The following TRIOBP variants were observed in gnomAD, a reference collection of about 807,000 sequenced individuals.
TRIOBP encodes TRIO and F-actin binding protein.
Under a neutral mutation model 238.8 loss-of-function variants are expected in TRIOBP, and 169 were observed. The observed-to-expected ratio is 0.71, with a 90% CI of 0.62 to 0.80. TRIOBP has a LOEUF of 0.80. TRIOBP is among the 30% of genes least tolerant of loss of function. The probability of loss-of-function intolerance (pLI) is 0.00; values close to 1 mark genes in which losing one functional copy is unlikely to be tolerated. For synonymous variants in TRIOBP, 1,150 were observed against 1,274.4 expected, an observed-to-expected ratio of 0.90 and a Z score of 2.08; for missense variants, 2,838 against 3,122.6, an observed-to-expected ratio of 0.91 and a Z score of 2.17.
intron 12 of TRIOBP, among the ~76,000 whole-genome samples, chr22:37,753,613 A>G (rs115205721): frequency 0.012 from 1,857 of 152,364 alleles, 39 homozygotes; most frequent in African/African-American, 0.043. Context: ...TTTATGGTTC[A>G]GAAGACTGAA....
chr22:37,702,634 C>CTTTTTTTTTTTTTTTTTTTTTTTT (rs34625454), intron 3 of TRIOBP, among the ~76,000 whole-genome samples: 1 of 81,198 alleles, frequency 1.2e-5, no homozygotes, highest in African/African-American at 5.0e-5. Context: ...TTCTCTCTCT[C>CTTTTTTTTTTTTTTTTTTTTTTTT]TTTTTTTTTT....
Position 37,767,895 on chromosome 22 carries a change from A to G in TRIOBP, c.6473-179A>G, listed in dbSNP as rs146740305. 7.8e-3 allele frequency among the ~76,000 whole-genome samples: 1,190 copies of G among 152,232 alleles called. 15 individuals are homozygous for G. The highest frequency in any genetic ancestry group is 0.027 in the African/African-American group (1,120 of 41,534). On this transcript the variant is annotated intron_variant, in intron 18 of 23. Transcript: ENST00000644935. ...TTTATGACACAACCTGGGCTACTCT[A>G]GACTCCTGGTTCGGTGCTCTTTGCA...
At chr22:37,743,822 TGTGTGTGTGTGTGTGTGTGTGTGCTGG>T (rs1230661245) in intron 11 of TRIOBP, among the ~76,000 whole-genome samples, 4 of 124,960 alleles carry the variant, frequency 3.2e-5, no homozygotes, top group Admixed American at 2.6e-4. Context: ...TGTGTGTGTG[TGTGTGTGTGTGTGTGTGTGTGTGCTGG>T]GTGTGTGTGA....
intron 7 of TRIOBP, among the ~76,000 whole-genome samples, chr22:37,731,192 C>T (rs896177678): frequency 6.6e-6 from 1 of 152,028 alleles, no homozygotes; most frequent in African/African-American, 2.4e-5. Context: ...GGCTGGAATG[C>T]AGTGGCATGA....
intron 2 of TRIOBP, among the ~76,000 whole-genome samples, 170 bp from the exon 3 acceptor site, chr22:37,701,136 T>A (rs1026498436): frequency 6.6e-6 from 1 of 152,254 alleles, no homozygotes; most frequent in Middle Eastern, 3.4e-3. Flanking sequence ...TTAGTGAGTG[T>A]TTGTTGAGTG....
At position 37,733,317 on chromosome 22, in the gene TRIOBP, G is replaced by A. The variant is rs780288515; in HGVS notation, c.3967G>A (p.Ala1323Thr). The change falls in exon 8 of 24, where the codon GCC (alanine) becomes ACC (threonine). Residue 1323 changes from alanine (A) to threonine (T), a missense_variant. Coordinates refer to ENST00000644935, the MANE Select transcript of TRIOBP (RefSeq NM_001039141.3). ...QERRKSEAAG[A>T]FQAQDEGRSQ... Reference sequence around the variant, plus strand: ...TCATAGGAAGTCCGAGGCAGCGGGGGCCTTCCAGGCCCAGGACGAGGGACG... The same window carrying A: ...TCATAGGAAGTCCGAGGCAGCGGGGACCTTCCAGGCCCAGGACGAGGGACG... 6.4e-7 allele frequency: 1 copy of A among 1,551,008 alleles called. No individual in the cohort carries two copies. Among genetic ancestry groups the A allele is most frequent in the Non-Finnish European group, 8.7e-7 (1 of 1,147,170 alleles).
chr22:37,767,401 G>GA (rs962063872), intron 18 of TRIOBP, among the ~76,000 whole-genome samples: 62 of 150,900 alleles, frequency 4.1e-4, no homozygotes, highest in Middle Eastern at 6.8e-3. Context: ...CCCTGAGTGG[G>GA]AAAAAAAAAG....
intron 7 of TRIOBP, 70 bp downstream of exon 7, chr22:37,726,573 A>G: frequency 7.3e-7 from 1 of 1,377,808 alleles, no homozygotes; most frequent in Non-Finnish European, 9.4e-7. Context: ...GTGAAGGGTT[A>G]GGGTGCCAAA....
Position 37,723,674 on chromosome 22 carries a change from C to T in TRIOBP, c.1118C>T (p.Pro373Leu). Reference sequence around the variant, plus strand: ...CAAACTTCTTTTCCTACTTGTACTCCCCAGCGGGAAAACCCCAGGACACCC... The same window carrying T: ...CAAACTTCTTTTCCTACTTGTACTCTCCAGCGGGAAAACCCCAGGACACCC... ...NPQTSFPTCT[P>L]QRENPRTPCV... The change falls in exon 7 of 24, where the codon CCC (proline) becomes CTC (leucine). Residue 373 changes from proline to leucine, a missense_variant. Pro to Leu is a moderately conservative substitution (Grantham distance 98). Transcript: ENST00000644935. 6.2e-7 allele frequency: 1 copy of T among 1,614,150 alleles called. No individual in the cohort carries two copies. Among genetic ancestry groups the T allele is most frequent in the Non-Finnish European group, 8.5e-7 (1 of 1,180,010 alleles).
chr22:37,755,631 C>T lies in TRIOBP; in HGVS notation c.5659C>T (p.Arg1887Cys), dbSNP rs746861018. Reference sequence around the variant, plus strand: ...GATCGAGGCTCTGAGAAAGACCGTACGTCCAACTTCAGCCCCAGATGTCAC... The same window carrying T: ...GATCGAGGCTCTGAGAAAGACCGTATGTCCAACTTCAGCCCCAGATGTCAC... ...NWIEALRKTV[R>C]PTSAPDVTKL... is the part of the protein sequence containing the mutation. The change falls in exon 15 of 24, where the codon CGT becomes TGT. Residue 1887 changes from arginine (R) to cysteine (C), a missense_variant. Transcript: ENST00000644935. The T allele has an allele frequency of 1.5e-5, 25 of 1,613,966 alleles. No homozygotes were observed. Among genetic ancestry groups the T allele is most frequent in the Non-Finnish European group, 2.0e-5 (24 of 1,180,042 alleles).
At chr22:37,770,449 C>CA (rs551177241) in intron 21 of TRIOBP, among the ~76,000 whole-genome samples, 104,005 of 111,196 alleles carry the variant, frequency 0.94, 48,574 homozygotes, top group East Asian at 0.99. Flanking sequence ...GACTCCGTCT[C>CA]AAAAAAAAAA....
rs1251341198 is a variant in TRIOBP at position 37,742,294 on chromosome 22, C to T, written c.5322+1262C>T. ...TTTTTTTTAAATTAAGATAGAGTCT[C>T]GTTCTACCCCCAGACTGGAGTGCAG... On this transcript the variant is annotated intron_variant, in intron 11 of 23. Coordinates refer to ENST00000644935, the MANE Select transcript of TRIOBP (RefSeq NM_001039141.3). Among the ~76,000 whole-genome samples the T allele has an allele frequency of 5.4e-5, 7 of 129,726 alleles. No homozygotes were observed. The East Asian group carries it at 1.3e-3, about 25-fold the overall frequency. 85.1% of individuals were successfully genotyped at this position (129,726 alleles called of 152,430 possible).
In TRIOBP at chr22:37,765,801, G is replaced by A. The variant is rs372723886; in HGVS notation, c.6456G>A (p.Thr2152=). 25 of 1,581,330 alleles carry A rather than the reference G, an allele frequency of 1.6e-5. No individual in the cohort carries two copies. The African/African-American group carries it at 2.3e-4, about 15-fold the overall frequency. ...AGGAGTGGCTCCTGGCTGAGGAGAC[G>A]GCAGCCACGGCCTCAGGTATGGACC... ...QEKEWLLAEE[T]AATASAIEAM... is the part of the protein sequence containing the mutation. The change falls in exon 18 of 24, where the codon ACG becomes ACA. Residue 2152 remains threonine (T), a synonymous_variant. Transcript: ENST00000644935.
intron 11 of TRIOBP, among the ~76,000 whole-genome samples, chr22:37,743,838 T>C (rs567329663): frequency 8.3e-6 from 1 of 120,308 alleles, no homozygotes; most frequent in South Asian, 2.7e-4. Flanking sequence ...TGTGTGTGTG[T>C]GTGTGTGCTG....
intron 10 of TRIOBP, among the ~76,000 whole-genome samples, 176 bp from the exon 11 acceptor site, chr22:37,740,719 C>T (rs751669619): frequency 2.0e-5 from 3 of 152,204 alleles, no homozygotes; most frequent in African/African-American, 7.2e-5. Context: ...CAGTCCAACA[C>T]GATGTAGTGT....
At chr22:37,710,303 T>G in intron 3 of TRIOBP, 124 bp from the exon 4 acceptor site, 5 of 1,432,542 alleles carry the variant, frequency 3.5e-6, no homozygotes, top group Non-Finnish European at 3.8e-6. Context: ...GGCAGCTCCT[T>G]GAGAAGTGCA....
chr22:37,757,455 GT>G (rs1925987770), intron 15 of TRIOBP, among the ~76,000 whole-genome samples, 157 bp from the exon 16 acceptor site: 1 of 152,118 alleles, frequency 6.6e-6, no homozygotes, highest in African/African-American at 2.4e-5. Context: ...TGTTCCTGGG[GT>G]CTGTTAACCA....
At chr22:37,768,308 A>C (rs1569063257) in intron 19 of TRIOBP, 132 bp downstream of exon 19, 1 of 774,356 alleles carries the variant, frequency 1.3e-6, no homozygotes, top group Admixed American at 2.0e-5. Flanking sequence ...TGGATGCAAG[A>C]AACAGAAGCA....
In TRIOBP at chr22:37,771,756, TG is replaced by T. The variant is rs2145884725; in HGVS notation, c.6936+25del. 1.2e-6 allele frequency: 2 copies of T among 1,612,994 alleles called. No homozygotes were observed. The highest frequency in any genetic ancestry group is 8.5e-7 in the Non-Finnish European group (1 of 1,179,010). ...CAGAAGGTAGGTCCTTCCGCTGGGC[TG>T]GGGGCCGTCGGGGACTCTGGAGCCA... On this transcript the variant is annotated intron_variant, in intron 22 of 23. Coordinates refer to ENST00000644935, the MANE Select transcript of TRIOBP (RefSeq NM_001039141.3).
Sources: allele counts gnomAD v4.1 joint callset (sites outside exome capture counted in the v4.1 genomes callset), GRCh38; gene constraint gnomAD v4.1.1; transcripts MANE v1.5; gene names NCBI Gene and HGNC (gene_info 2026-07-23, HGNC 2026-07-21).